The following KLHL29 variants were observed in gnomAD, a reference collection of about 807,000 sequenced individuals.
KLHL29 encodes the protein kelch-like protein 29.
A neutral mutation model predicts 80.4 loss-of-function variants in KLHL29; 21 were observed. The ratio of observed to expected loss-of-function variants is 0.26; its 90% CI spans 0.19 to 0.38. KLHL29 has a LOEUF of 0.38. Among genes scored for constraint, KLHL29 ranks in the 10% least tolerant of loss-of-function variants. The pLI, the probability that KLHL29 is intolerant of heterozygous loss-of-function variation, is 1.00. For synonymous variants in KLHL29, 511 were observed against 526.8 expected (o/e 0.97, Z 0.41); for missense variants, 867 against 1,223.9 (o/e 0.71, Z 4.35).
At chr2:23,533,545 G>A (rs976410760) in intron 2 of KLHL29, among the ~76,000 whole-genome samples, 3 of 152,100 alleles carry the variant, frequency 2.0e-5, no homozygotes, top group African/African-American at 4.8e-5. Context: ...GCAGCCTCTG[G>A]GGAGCCTTGG....
chr2:23,474,104 C>T (rs1014356836), intron 1 of KLHL29, among the ~76,000 whole-genome samples: 1 of 152,170 alleles, frequency 6.6e-6, no homozygotes, highest in Non-Finnish European at 1.5e-5. Context: ...AAATATGATA[C>T]AATTTTCACT....
At chr2:23,464,451 C>T (rs1420725808) in intron 1 of KLHL29, among the ~76,000 whole-genome samples, 2 of 152,214 alleles carry the variant, frequency 1.3e-5, no homozygotes, top group Non-Finnish European at 2.9e-5. Flanking sequence ...TCCCTGTCTC[C>T]CACAGGTCCC....
intron 5 of KLHL29, among the ~76,000 whole-genome samples, chr2:23,659,041 C>G (rs565443212): frequency 1.3e-5 from 2 of 152,354 alleles, no homozygotes; most frequent in East Asian, 1.9e-4. Flanking sequence ...CTGTCTCCCC[C>G]ACTCAACTGT....
chr2:23,459,185 C>T (rs772950490), intron 1 of KLHL29, among the ~76,000 whole-genome samples: 10 of 152,120 alleles, frequency 6.6e-5, no homozygotes, highest in Non-Finnish European at 1.2e-4. Context: ...GTGCTCTATT[C>T]TGAGACAGGA....
chr2:23,402,888 C>T (rs559221391), intron 1 of KLHL29, among the ~76,000 whole-genome samples: 1 of 150,756 alleles, frequency 6.6e-6, no homozygotes, highest in South Asian at 2.1e-4. Context: ...ACATATGTAT[C>T]CCTGATTTCT....
In KLHL29 at chr2:23,562,621, C is replaced by CAGTTT; in HGVS notation, c.285+140_285+141insAGTTT. 1.2e-6 allele frequency: 1 copy of CAGTTT among 822,090 alleles called. No homozygotes were observed. Among genetic ancestry groups the CAGTTT allele is most frequent in the South Asian group, 1.8e-5 (1 of 54,902 alleles). 50.9% of individuals were successfully genotyped at this position (822,090 alleles called of 1,614,324 possible). ...CCTCCAGAGTCTTGTCCTTCCAGGA[C>CAGTTT]CTGGGCCTGGAAACTGTTTGCGAGC... On this transcript the variant is annotated intron_variant, in intron 3 of 13. Coordinates refer to ENST00000486442, the MANE Select transcript of KLHL29 (RefSeq NM_052920.2). The surrounding 1 kb of genome is among the most constrained non-coding windows in gnomAD (Gnocchi z 4.5).
chr2:23,392,942 C>T (rs942037814), intron 1 of KLHL29, among the ~76,000 whole-genome samples: 3 of 152,154 alleles, frequency 2.0e-5, no homozygotes, highest in Admixed American at 6.5e-5. Flanking sequence ...TTTGGATTTG[C>T]GCACCTGCTT....
intron 1 of KLHL29, among the ~76,000 whole-genome samples, chr2:23,412,613 G>A (rs935625828): frequency 6.6e-6 from 1 of 152,186 alleles, no homozygotes; most frequent in Non-Finnish European, 1.5e-5. Flanking sequence ...GCTGGGGACA[G>A]AGCTGTGAGA....
At chr2:23,564,249 C>G (rs573549905) in intron 3 of KLHL29, among the ~76,000 whole-genome samples, 1 of 152,346 alleles carries the variant, frequency 6.6e-6, no homozygotes, top group South Asian at 2.1e-4. Flanking sequence ...AGAGCTCCCG[C>G]TTTGCTCCAG....
At chr2:23,511,707 G>A (rs576625097) in intron 2 of KLHL29, among the ~76,000 whole-genome samples, 61 of 152,332 alleles carry the variant, frequency 4.0e-4, no homozygotes, top group South Asian at 8.3e-4. Flanking sequence ...CTGGGGATGT[G>A]ATATCGGTGC....
At chr2:23,419,209 C>G (rs1444474224) in intron 1 of KLHL29, among the ~76,000 whole-genome samples, 1 of 152,232 alleles carries the variant, frequency 6.6e-6, no homozygotes, top group Admixed American at 6.5e-5. Flanking sequence ...ACATTTGTGA[C>G]TTATAATTTT....
intron 3 of KLHL29, among the ~76,000 whole-genome samples, chr2:23,585,802 C>T (rs552007204): frequency 3.9e-5 from 6 of 152,142 alleles, no homozygotes; most frequent in Admixed American, 6.5e-5. Flanking sequence ...GCCCACCAGC[C>T]GCCCTCCCAG....
chr2:23,642,873 TC>T (rs757608390), intron 5 of KLHL29, 23 bp downstream of exon 5: 36 of 1,549,848 alleles, frequency 2.3e-5, no homozygotes, highest in Non-Finnish European at 3.1e-5. Flanking sequence ...GCCACGTGCC[TC>T]CCCACGGGCC....
chr2:23,422,395 ATATGCC>A (rs1359678829), intron 1 of KLHL29, among the ~76,000 whole-genome samples: 1 of 146,860 alleles, frequency 6.8e-6, no homozygotes, highest in Admixed American at 6.7e-5. Context: ...CTGTATTTTC[ATATGCC>A]TATGTGTCTG....
At chr2:23,405,266 G>A (rs1666696593) in intron 1 of KLHL29, among the ~76,000 whole-genome samples, 1 of 152,060 alleles carries the variant, frequency 6.6e-6, no homozygotes, top group Admixed American at 6.6e-5. Flanking sequence ...AAAAAAGTTA[G>A]TTATATTGTT....
In KLHL29 at chr2:23,682,649, C is replaced by T. The variant is rs562684897; in HGVS notation, c.941-1750C>T. On this transcript the variant is annotated intron_variant, in intron 5 of 13. Coordinates refer to ENST00000486442, the MANE Select transcript of KLHL29 (RefSeq NM_052920.2). This position sits in a 1 kb window ranked among gnomAD's most constrained non-coding sequence, Gnocchi z 4.1. ...TGCCCATGGCCCTTTTGTCCACCTG[C>T]ACCTGCCCCCTCGTGCTCCTGCACC... Among the ~76,000 whole-genome samples the T allele has an allele frequency of 6.6e-6, 1 of 152,250 alleles. No individual in the cohort carries two copies. Among genetic ancestry groups the T allele is most frequent in the East Asian group, 1.9e-4 (1 of 5,162 alleles).
intron 1 of KLHL29, among the ~76,000 whole-genome samples, chr2:23,438,842 A>T (rs1663424417): frequency 6.6e-6 from 1 of 151,738 alleles, no homozygotes; most frequent in Admixed American, 6.6e-5. Flanking sequence ...GTTAGGGAGG[A>T]TTCCTTCTTT....
At position 23,642,928 on chromosome 2, in the gene KLHL29, CAG is replaced by C. The variant is rs745452027; in HGVS notation, c.940+79_940+80del. 182 of 1,496,802 alleles carry C rather than the reference CAG, an allele frequency of 1.2e-4. 1 individual carries two copies. The highest frequency in any genetic ancestry group is 1.0e-3 in the African/African-American group (75 of 72,068). The allele number at this position is 1,496,802 out of a possible 1,614,324, so 92.7% of individuals were successfully genotyped here. On this transcript the variant is annotated intron_variant, in intron 5 of 13. Coordinates refer to ENST00000486442, the MANE Select transcript of KLHL29 (RefSeq NM_052920.2). ...CGCGGTCACTGCAACACCACCGGGA[CAG>C]GGGGTGCTTCATGCCAGCTCCTTCA...
At chr2:23,597,343 GTGTATGTATA>G (rs1668439945) in intron 3 of KLHL29, among the ~76,000 whole-genome samples, 3 of 134,412 alleles carry the variant, frequency 2.2e-5, no homozygotes, top group South Asian at 2.3e-4. Context: ...GTGTGTGTGT[GTGTATGTATA>G]TGTGTATGTA....
Sources: gnomAD v4.1 joint callset for allele counts (sites outside exome capture counted in the v4.1 genomes callset) on GRCh38, gnomAD v4.1.1 for gene constraint, Gnocchi (gnomAD v3.1) non-coding constraint, MANE v1.5 for transcripts, NCBI Gene and HGNC (gene_info 2026-07-23, HGNC 2026-07-21) for gene names.